The following NOL6 variants were observed in gnomAD, a reference collection of about 807,000 sequenced individuals.
The protein encoded by NOL6 is nucleolar RNA-associated protein.
NOL6 carries 33 observed loss-of-function variants against 131.7 expected under a neutral mutation model. The ratio of observed to expected loss-of-function variants is 0.25; its 90% CI spans 0.19 to 0.33. NOL6 has a LOEUF of 0.33. Among genes scored for constraint, NOL6 ranks in the 10% least tolerant of loss-of-function variants. NOL6 has a pLI of 1.00. For missense variants in NOL6, 1,297 were observed against 1,494.5 expected, an observed-to-expected ratio of 0.87 and a Z score of 2.18; for synonymous variants, 580 against 605.7, an observed-to-expected ratio of 0.96 and a Z score of 0.62.
At position 33,472,008 on chromosome 9, in the gene NOL6, G is replaced by A. The variant is rs1342385855; in HGVS notation, c.374C>T (p.Thr125Ile). 6.2e-7 allele frequency: 1 copy of A among 1,610,382 alleles called. No individual in the cohort carries two copies. The highest frequency in any genetic ancestry group is 8.5e-7 in the Non-Finnish European group (1 of 1,178,496). ...RVVRVPSVPE[T>I]ELTDQAWLPA... ...TTCCCCAGGCCACTTGCTTACCTCT[G>A]TCTCAGGGACTGAGGGCACCCTCAC... The change falls in exon 3 of 26, where the codon ACA becomes ATA. Residue 125 changes from threonine (T) to isoleucine (I), a missense_variant. Thr to Ile is a moderately conservative substitution (Grantham distance 89, BLOSUM62 -1). Coordinates refer to ENST00000297990, the MANE Select transcript of NOL6 (RefSeq NM_022917.5).
At chr9:33,470,318 G>T in intron 3 of NOL6, 127 bp from the exon 4 acceptor site, 1 of 840,574 alleles carries the variant, frequency 1.2e-6, no homozygotes, top group South Asian at 2.8e-5. Flanking sequence ...CCATAACTAT[G>T]TCTTCCTTGC....
Position 33,461,913 on chromosome 9 carries a change from T to C in NOL6, c.*751A>G, listed in dbSNP as rs966940566. The C allele has an allele frequency of 2.8e-5, 14 of 501,506 alleles. No homozygotes were observed. Among genetic ancestry groups the C allele is most frequent in the Non-Finnish European group, 4.4e-5 (12 of 275,658 alleles). The allele number at this position is 501,506 out of a possible 1,614,324, so 31.1% of individuals were successfully genotyped here. The stretch of plus-strand genomic sequence containing the variant: ...TCTCTGCAACCCCACTGCAGGTACA[T>C]AGTAGTGGCAGTTTGTGACATGAAC... On this transcript the variant is annotated 3_prime_UTR_variant, in exon 26 of 26. Transcript: ENST00000297990.
chr9:33,462,017 A>C lies in NOL6; in HGVS notation c.*647T>G, dbSNP rs1372759642. On this transcript the variant is annotated 3_prime_UTR_variant, in exon 26 of 26. Coordinates refer to ENST00000297990, the MANE Select transcript of NOL6 (RefSeq NM_022917.5). ...ACCTCTCCAAGATTGGGTGACTACC[A>C]GTCCCCTGACCCCTTCACCTACCCA... is the stretch of plus-strand genomic sequence containing the variant. 1 of 642,152 alleles carries C rather than the reference A, an allele frequency of 1.6e-6. No individual in the cohort carries two copies. The highest frequency in any genetic ancestry group is 2.9e-6 in the Non-Finnish European group (1 of 344,488). The allele number at this position is 642,152 out of a possible 1,614,324, so 39.8% of individuals were successfully genotyped here.
chr9:33,467,734 G>A lies in NOL6; in HGVS notation c.1559C>T (p.Ala520Val). 3.1e-6 allele frequency: 5 copies of A among 1,591,334 alleles called. No homozygotes were observed. Among genetic ancestry groups the A allele is most frequent in the Non-Finnish European group, 4.3e-6 (5 of 1,170,584 alleles). Residue 520 changes from alanine to valine, a missense_variant, in exon 12 of 26, where the codon GCT (alanine) becomes GTT (valine). By Grantham distance (64) the Ala-to-Val change is moderately conservative. Transcript: ENST00000297990. The surrounding 1 kb of genome is among the most constrained non-coding windows in gnomAD (Gnocchi z 4.4). Reference sequence around the variant, plus strand: ...AGAGTGAGCCAGCAGGTTCAGCCGAGCCCCCAGGCCCTGCTCCAGGAGGGT... The same window carrying A: ...AGAGTGAGCCAGCAGGTTCAGCCGAACCCCCAGGCCCTGCTCCAGGAGGGT... ...LTTLLEQGLG[A>V]RLNLLAHSRP...
rs1827301515 is a variant in NOL6 at position 33,468,134 on chromosome 9, C to A, written c.1320G>T (p.Glu440Asp). The A allele has an allele frequency of 1.2e-6, 2 of 1,614,188 alleles. No individual in the cohort carries two copies. The highest frequency in any genetic ancestry group is 1.7e-6 in the Non-Finnish European group (2 of 1,180,034). ...CCAGCAACATCATAGACAGCCGTGCCTCATGCTGTACCTGGAGCCACAGAA... is the reference window on the plus strand; with the variant it reads ...CCAGCAACATCATAGACAGCCGTGCATCATGCTGTACCTGGAGCCACAGAA... ...TASTYHQVQH[E>D]ARLSMMLLDS... The change falls in exon 11 of 26, where the codon GAG becomes GAT. Residue 440 changes from glutamate (E) to aspartate (D), a missense_variant. Transcript: ENST00000297990.
chr9:33,469,345 C>T lies in NOL6; in HGVS notation c.728-4G>A. ...GTGACCAGGCGCTCATCCTTTCCTG[C>T]CAGAGACAGTGAGTGCTGAGACTCT... On this transcript the variant is annotated splice_polypyrimidine_tract_variant and splice_region_variant and intron_variant, in intron 5 of 25. Coordinates refer to ENST00000297990, the MANE Select transcript of NOL6 (RefSeq NM_022917.5). 1 of 1,613,988 alleles carries T rather than the reference C, an allele frequency of 6.2e-7. No individual in the cohort carries two copies. Among genetic ancestry groups the T allele is most frequent in the Non-Finnish European group, 8.5e-7 (1 of 1,179,980 alleles).
chr9:33,463,766 G>A (rs1827164277), intron 23 of NOL6, 65 bp downstream of exon 23: 1 of 1,540,154 alleles, frequency 6.5e-7, no homozygotes, highest in Admixed American at 1.7e-5. Context: ...TGAGATCCCT[G>A]AACGCTGAAC....
rs1444960669 is a variant in NOL6, at chr9:33,469,352, C to T, written c.728-11G>A. 6.2e-7 allele frequency: 1 copy of T among 1,614,016 alleles called. No homozygotes were observed. The highest frequency in any genetic ancestry group is 2.2e-5 in the East Asian group (1 of 44,872). On this transcript the variant is annotated splice_polypyrimidine_tract_variant and intron_variant, in intron 5 of 25. Coordinates refer to ENST00000297990, the MANE Select transcript of NOL6 (RefSeq NM_022917.5). The stretch of plus-strand genomic sequence containing the variant: ...GGCGCTCATCCTTTCCTGCCAGAGA[C>T]AGTGAGTGCTGAGACTCTGCAGGAG...
Position 33,472,245 on chromosome 9 carries a change from C to A in NOL6, c.222G>T (p.Glu74Asp), listed in dbSNP as rs1281572196. ...AGCTGGAGTGGAACAAGATCTCAGT[C>A]TCCCGAAGGCGATTAAGCTCCTCAT... ...PTNEELNRLR[E>D]TEILFHSSLL... is the part of the protein sequence containing the mutation. Residue 74 changes from glutamate to aspartate, a missense_variant, in exon 2 of 26, where the codon GAG becomes GAT. Transcript: ENST00000297990. 1.2e-6 allele frequency: 2 copies of A among 1,614,130 alleles called. No individual in the cohort carries two copies. Among genetic ancestry groups the A allele is most frequent in the East Asian group, 4.5e-5 (2 of 44,900 alleles).
At position 33,466,379 on chromosome 9, in the gene NOL6, G is replaced by A. The variant is rs759366969; in HGVS notation, c.2138C>T (p.Thr713Ile). 3.7e-6 allele frequency: 6 copies of A among 1,614,104 alleles called. No individual in the cohort carries two copies. Among genetic ancestry groups the A allele is most frequent in the Non-Finnish European group, 4.2e-6 (5 of 1,180,046 alleles). The stretch of plus-strand genomic sequence containing the variant: ...CAGCAGTGAGGACCGCTCCCGCAGA[G>A]TCTCATAGAAGGAGAAGGCTGGACG... ...PVRPAFSFYE[T>I]LRERSSLLPR... is the part of the protein sequence containing the mutation. Residue 713 changes from threonine to isoleucine, a missense_variant, in exon 17 of 26, where the codon ACT becomes ATT. Thr to Ile is a moderately conservative substitution (Grantham distance 89). Transcript: ENST00000297990.
intron 18 of NOL6, 60 bp from the exon 19 acceptor site, chr9:33,465,957 T>G (rs1210282284): frequency 1.1e-5 from 18 of 1,588,326 alleles, no homozygotes; most frequent in East Asian, 1.1e-4. Context: ...GGGAGTACTC[T>G]GTGGCCTACA....
In NOL6 at chr9:33,467,566, C is replaced by A; in HGVS notation, c.1603-50G>T. 1.2e-6 allele frequency: 2 copies of A among 1,603,866 alleles called. No homozygotes were observed. The highest frequency in any genetic ancestry group is 1.7e-5 in the Admixed American group (1 of 59,118). ...TCAGTCCTCCAATCCTCCAGCCTGG[C>A]CTAGAAACCTACTTTCTAGCTAGCT... On this transcript the variant is annotated intron_variant, in intron 12 of 25. Transcript: ENST00000297990. This position sits in a 1 kb window ranked among gnomAD's most constrained non-coding sequence, Gnocchi z 4.4.
intron 23 of NOL6, 111 bp from the exon 24 acceptor site, chr9:33,463,552 A>G: frequency 2.0e-6 from 2 of 988,834 alleles, no homozygotes; most frequent in African/African-American, 1.6e-5. Flanking sequence ...ACCACCCTCT[A>G]TGGGCCCACC....
In NOL6 at chr9:33,465,244, C is replaced by A; in HGVS notation, c.2644G>T (p.Ala882Ser). ...ADESLDLVAA[A>S]LFLHPEPFTP... ...AAGGGCTCAGGGTGCAGGAAAAGGG[C>A]AGCGGCCACCAGATCCAGGCTCTCA... Residue 882 changes from alanine (A) to serine (S), a missense_variant, in exon 20 of 26, where the codon GCC becomes TCC. Coordinates refer to ENST00000297990, the MANE Select transcript of NOL6 (RefSeq NM_022917.5). The A allele has an allele frequency of 6.3e-7, 1 of 1,597,614 alleles. No homozygotes were observed. The highest frequency in any genetic ancestry group is 8.5e-7 in the Non-Finnish European group (1 of 1,171,736).
chr9:33,468,663 G>A (rs1827318653), intron 8 of NOL6, 89 bp downstream of exon 8: 7 of 1,607,384 alleles, frequency 4.4e-6, no homozygotes, highest in Non-Finnish European at 6.0e-6. Flanking sequence ...TCATCTGTCT[G>A]ATGGCAAAAC....
chr9:33,463,061 G>A lies in NOL6; in HGVS notation c.3263C>T (p.Pro1088Leu), dbSNP rs752482631. The A allele has an allele frequency of 4.3e-6, 7 of 1,613,596 alleles. No homozygotes were observed. Among genetic ancestry groups the A allele is most frequent in the Non-Finnish European group, 5.9e-6 (7 of 1,179,832 alleles). ...GAAGGGCTGCGGCTGGAAGCTGGTGGGCTTCCAGAGGACACCAATCACCTC... is the reference window on the plus strand; with the variant it reads ...GAAGGGCTGCGGCTGGAAGCTGGTGAGCTTCCAGAGGACACCAATCACCTC... Reference protein sequence around the residue: ...GGEVIGVLWKPTSFQPQPFKA... With the variant: ...GGEVIGVLWKLTSFQPQPFKA... Residue 1088 changes from proline (P) to leucine (L), a missense_variant, in exon 25 of 26, where the codon CCC (proline) becomes CTC (leucine). Physicochemically the swap from Pro to Leu is moderately conservative, Grantham distance 98. Coordinates refer to ENST00000297990, the MANE Select transcript of NOL6 (RefSeq NM_022917.5).
In NOL6 at chr9:33,468,944, C is replaced by A; in HGVS notation, c.1026+14G>T. Reference sequence around the variant, plus strand: ...AGGCGCTCAGGTAGGGAGGCTGCGCCACCCCCAACTCACCTTGTCCAGCTC... The same window carrying A: ...AGGCGCTCAGGTAGGGAGGCTGCGCAACCCCCAACTCACCTTGTCCAGCTC... On this transcript the variant is annotated intron_variant, in intron 7 of 25. Transcript: ENST00000297990. 1 of 1,614,048 alleles carries A rather than the reference C, an allele frequency of 6.2e-7. No homozygotes were observed.
At position 33,463,797 on chromosome 9, in the gene NOL6, G is replaced by A. The variant is rs780752073; in HGVS notation, c.2994+34C>T. 2.5e-6 allele frequency: 4 copies of A among 1,605,388 alleles called. No homozygotes were observed. The South Asian group carries it at 4.4e-5, about 18-fold the overall frequency. On this transcript the variant is annotated intron_variant, in intron 23 of 25. Transcript: ENST00000297990. ...TGAACTTCCAAAGACAGAATCCCCA[G>A]AGGCCCTGGAGTCACTGCTGGTCAG...
chr9:33,467,960 A>C lies in NOL6; in HGVS notation c.1424+70T>G, dbSNP rs775883989. The C allele has an allele frequency of 2.9e-4, 467 of 1,609,062 alleles. No homozygotes were observed. The highest frequency in any genetic ancestry group is 3.8e-4 in the Non-Finnish European group (448 of 1,176,658). The stretch of plus-strand genomic sequence containing the variant: ...GAATGATCTGAGCACCTGTCTGAAG[A>C]CCTTTGCCCCACCACTGTAGCCCCG... On this transcript the variant is annotated intron_variant, in intron 11 of 25. Transcript: ENST00000297990. This position sits in a 1 kb window ranked among gnomAD's most constrained non-coding sequence, Gnocchi z 4.4.
Sources: allele counts gnomAD v4.1 joint callset, GRCh38; gene constraint gnomAD v4.1.1; non-coding constraint Gnocchi (gnomAD v3.1); transcripts MANE v1.5; gene names NCBI Gene and HGNC (gene_info 2026-07-23, HGNC 2026-07-21).